The following TCF12 variants were observed in gnomAD, a reference collection of about 807,000 sequenced individuals.
TCF12 encodes transcription factor 12.
TCF12 carries 45 observed loss-of-function variants against 86.0 expected under a neutral mutation model. The ratio of observed to expected loss-of-function variants is 0.52; its 90% confidence interval spans 0.41 to 0.67. The LOEUF is 0.67. Ranked by LOEUF, TCF12 falls within the 30% of genes least tolerant of loss-of-function variation. The probability of loss-of-function intolerance (pLI) is 0.00; values close to 1 mark genes in which losing one functional copy is unlikely to be tolerated. For missense variants in TCF12, 881 were observed against 859.9 expected (o/e 1.02, Z -0.31); for synonymous variants, 330 against 299.6 (o/e 1.10, Z -1.05).
intron 5 of TCF12, among the ~76,000 whole-genome samples, chr15:57,149,226 C>T (rs1277130313): frequency 6.6e-6 from 1 of 151,934 alleles, no homozygotes; most frequent in African/African-American, 2.4e-5. Context: ...TTTTTCATGC[C>T]CTGTGGTTAT....
downstream of TCF12, among the ~76,000 whole-genome samples, chr15:57,290,338 T>C (rs111982328): frequency 1.5e-5 from 1 of 66,182 alleles, no homozygotes; most frequent in South Asian, 8.0e-4. Context: ...AGCAAAACTG[T>C]CTCAAAAAAA....
chr15:57,067,656 C>T (rs1374741616), intron 4 of TCF12, among the ~76,000 whole-genome samples: 2 of 151,836 alleles, frequency 1.3e-5, no homozygotes, highest in Admixed American at 6.6e-5. Flanking sequence ...GTTTGAGACA[C>T]CCAGAGGGAA....
intron 6 of TCF12, among the ~76,000 whole-genome samples, chr15:57,170,173 T>C (rs899662935): frequency 6.6e-6 from 1 of 152,182 alleles, no homozygotes; most frequent in Non-Finnish European, 1.5e-5. Context: ...GTTTTGACTA[T>C]ATGACTATAC....
chr15:57,274,008 T>A (rs2061265309), intron 19 of TCF12, among the ~76,000 whole-genome samples: 1 of 152,212 alleles, frequency 6.6e-6, no homozygotes, highest in Non-Finnish European at 1.5e-5. Flanking sequence ...AAGCTTCTTA[T>A]CTTTAAGAGG....
At chr15:56,980,561 TTTG>T (rs1311994503) in intron 3 of TCF12, among the ~76,000 whole-genome samples, 4 of 152,214 alleles carry the variant, frequency 2.6e-5, no homozygotes, top group Middle Eastern at 3.2e-3. Context: ...TCTCTGGCAT[TTTG>T]TTGTTGTAGT....
chr15:57,016,270 T>G (rs1336101423), intron 3 of TCF12, among the ~76,000 whole-genome samples: 1 of 152,350 alleles, frequency 6.6e-6, no homozygotes. Context: ...CTGGGACTTC[T>G]TCATGGGCCA....
Position 56,918,760 on chromosome 15 carries a change from G to C in TCF12, c.-169G>C, listed in dbSNP as rs1349428545. The stretch of plus-strand genomic sequence containing the variant: ...CCGGGAGGAAGGGGCGGCCAGGCCC[G>C]AAAGCCGCCTCCCCCTCCCAGACCC... On this transcript the variant is annotated 5_prime_UTR_variant, in exon 1 of 21. Transcript: ENST00000333725. 1 of 165,730 alleles carries C rather than the reference G, an allele frequency of 6.0e-6. No homozygotes were observed. The highest frequency in any genetic ancestry group is 1.3e-5 in the Non-Finnish European group (1 of 76,172). 10.3% of individuals were successfully genotyped at this position (165,730 alleles called of 1,614,324 possible). A position where few individuals can be genotyped will look rare whatever the true frequency, so the allele number is the denominator to read the frequency against.
intron 6 of TCF12, among the ~76,000 whole-genome samples, chr15:57,170,689 A>ATTATATATAAT (rs71113072): frequency 1.3e-4 from 3 of 23,556 alleles, no homozygotes; most frequent in Non-Finnish European, 2.1e-4. Context: ...TATTATATAT[A>ATTATATATAAT]ATATATATTA....
chr15:57,114,116 C>T (rs1237680478), intron 5 of TCF12, among the ~76,000 whole-genome samples: 4 of 151,972 alleles, frequency 2.6e-5, no homozygotes, highest in African/African-American at 9.7e-5. Flanking sequence ...TTTTGTGATC[C>T]CTTTTTGAAA....
intron 4 of TCF12, among the ~76,000 whole-genome samples, chr15:57,065,446 T>G (rs2068790624): frequency 6.6e-6 from 1 of 152,174 alleles, no homozygotes. Context: ...TAGGATCTAG[T>G]TTAGATTTTG....
At position 57,192,722 on chromosome 15, in the gene TCF12, C is replaced by T. The variant is rs114443230; in HGVS notation, c.526+429C>T. 4.6e-3 allele frequency among the ~76,000 whole-genome samples: 696 copies of T among 152,160 alleles called. 4 individuals carry two copies. Among genetic ancestry groups the T allele is most frequent in the African/African-American group, 0.016 (677 of 41,532 alleles). On this transcript the variant is annotated intron_variant, in intron 7 of 20. Coordinates refer to ENST00000333725, the MANE Select transcript of TCF12 (RefSeq NM_207037.2). ...CTTTTAATTAGAAGAGAGTTGGATTCGTGGGTATCACATTGATGTCAGGGC... is the reference window on the plus strand; with the variant it reads ...CTTTTAATTAGAAGAGAGTTGGATTTGTGGGTATCACATTGATGTCAGGGC...
intron 6 of TCF12, among the ~76,000 whole-genome samples, chr15:57,185,594 G>A (rs1189294039): frequency 6.6e-6 from 1 of 152,078 alleles, no homozygotes; most frequent in Non-Finnish European, 1.5e-5. Context: ...ATCAAAATTG[G>A]TTCTTTAAAA....
intron 5 of TCF12, among the ~76,000 whole-genome samples, chr15:57,103,505 T>C (rs1342050669): frequency 2.0e-5 from 3 of 152,114 alleles, no homozygotes; most frequent in Non-Finnish European, 4.4e-5. Flanking sequence ...TAAACGCAAA[T>C]TGTATAAAGA....
At position 56,961,507 on chromosome 15, in the gene TCF12, A is replaced by G. The variant is rs192409397; in HGVS notation, c.148+40409A>G. 1.4e-4 allele frequency among the ~76,000 whole-genome samples: 21 copies of G among 152,358 alleles called. No homozygotes were observed. In the East Asian group the frequency reaches 3.7e-3, roughly 27 times the overall value. ...GATATAGTCCAGTATCTAGCACAGC[A>G]TAGTCAAACACATAGTATTATGCAT... On this transcript the variant is annotated intron_variant, in intron 3 of 20. Transcript: ENST00000333725.
At chr15:57,204,193 T>TGG (rs1446359381) in intron 8 of TCF12, among the ~76,000 whole-genome samples, 6 of 152,114 alleles carry the variant, frequency 3.9e-5, no homozygotes, top group Admixed American at 3.3e-4. Flanking sequence ...CCCAGCACTT[T>TGG]GGGAGGCCAA....
At chr15:56,997,556 T>C (rs1364290051) in intron 3 of TCF12, among the ~76,000 whole-genome samples, 1 of 152,084 alleles carries the variant, frequency 6.6e-6, no homozygotes, top group Non-Finnish European at 1.5e-5. Context: ...TCATTTGTCC[T>C]CCAGACCTCA....
At chr15:57,002,997 C>T (rs530794675) in intron 3 of TCF12, among the ~76,000 whole-genome samples, 3 of 152,286 alleles carry the variant, frequency 2.0e-5, no homozygotes, top group East Asian at 3.9e-4. Flanking sequence ...TATGCCACTA[C>T]TAGGTTAACA....
chr15:57,265,676 A>G (rs553384277), intron 18 of TCF12, among the ~76,000 whole-genome samples: 26 of 152,174 alleles, frequency 1.7e-4, no homozygotes, highest in Non-Finnish European at 2.9e-4. Context: ...TATTTATATC[A>G]ATTAACCTAT....
intron 16 of TCF12, among the ~76,000 whole-genome samples, chr15:57,256,453 T>A (rs190057875): frequency 1.3e-5 from 2 of 152,290 alleles, no homozygotes; most frequent in African/African-American, 2.4e-5. Context: ...AGAGTTAATC[T>A]CCAGCTTTTA....
Sources: allele counts gnomAD v4.1 joint callset (sites outside exome capture counted in the v4.1 genomes callset), GRCh38; gene constraint gnomAD v4.1.1; transcripts MANE v1.5; gene names NCBI Gene and HGNC (gene_info 2026-07-23, HGNC 2026-07-21).